The following NDST1 variants were observed in gnomAD, a reference collection of about 807,000 sequenced individuals.
NDST1 encodes the protein bifunctional heparan sulfate N-deacetylase/N-sulfotransferase 1.
NDST1 carries 35 observed loss-of-function variants against 92.8 expected under a neutral mutation model. The ratio of observed to expected loss-of-function variants is 0.38; its 90% CI spans 0.29 to 0.50. NDST1 has a LOEUF of 0.50. Ranked by LOEUF, NDST1 falls within the 20% of genes least tolerant of loss-of-function variation. NDST1 has a pLI of 0.94. For synonymous variants in NDST1, 493 were observed against 500.3 expected (o/e 0.99, Z 0.19); for missense variants, 822 against 1,182.7 (o/e 0.69, Z 4.47).
Position 150,535,762 on chromosome 5 carries a change from C to G in NDST1, c.1314C>G (p.Pro438=). Residue 438 remains proline, a synonymous_variant, in exon 6 of 15, where the codon CCC becomes CCG. Transcript: ENST00000261797. The part of the protein sequence containing the change: ...AVAPHHSGVY[P]VHVQLYEAWK... ...CGCCCCACCACTCGGGCGTGTACCC[C>G]GTGCACGTGCAGCTGTACGAGGCTT... 1 of 1,614,202 alleles carries G rather than the reference C, an allele frequency of 6.2e-7. No homozygotes were observed. The highest frequency in any genetic ancestry group is 2.2e-5 in the East Asian group (1 of 44,886).
intron 1 of NDST1, among the ~76,000 whole-genome samples, chr5:150,515,963 C>T (rs934775099): frequency 6.7e-6 from 1 of 149,592 alleles, no homozygotes; most frequent in Non-Finnish European, 1.5e-5. Context: ...GGCTTCCCCC[C>T]ACCCACCCCC....
chr5:150,533,249 C>T lies in NDST1; in HGVS notation c.1096+217C>T, dbSNP rs573302571. The stretch of plus-strand genomic sequence containing the variant: ...CAACAGCAGCGGCAGCAACAGCAGC[C>T]GCTTGTCCCTCCCTGTCCTTTCGGG... On this transcript the variant is annotated intron_variant, in intron 4 of 14. Transcript: ENST00000261797. Among the ~76,000 whole-genome samples the T allele has an allele frequency of 1.1e-4, 16 of 152,360 alleles. No homozygotes were observed. The South Asian group carries it at 2.1e-3, about 20-fold the overall frequency.
intron 3 of NDST1, among the ~76,000 whole-genome samples, chr5:150,530,682 C>T (rs1754689157): frequency 6.6e-6 from 1 of 151,680 alleles, no homozygotes; most frequent in African/African-American, 2.4e-5. Flanking sequence ...CCTCAGCCTC[C>T]TGAGTAGCTG....
chr5:150,550,042 TA>T (rs1239328305), intron 13 of NDST1, among the ~76,000 whole-genome samples: 1 of 152,196 alleles, frequency 6.6e-6, no homozygotes, highest in Non-Finnish European at 1.5e-5. Flanking sequence ...CAGAGTGTTT[TA>T]TGTAAGTAAA....
At position 150,551,783 on chromosome 5, in the gene NDST1, A is replaced by G. The variant is rs764682491; in HGVS notation, c.2457A>G (p.Gln819=). The part of the protein sequence containing the change: ...AFDPKKGFWC[Q]LLEGGKTKCL... The stretch of plus-strand genomic sequence containing the variant: ...ATCCAAAGAAAGGATTTTGGTGCCA[A>G]CTGCTTGAAGGAGGAAAAACCAAGT... The change falls in exon 14 of 15, where the codon CAA becomes CAG. Residue 819 remains glutamine (Q), a synonymous_variant. Coordinates refer to ENST00000261797, the MANE Select transcript of NDST1 (RefSeq NM_001543.5). 5 of 1,613,610 alleles carry G rather than the reference A, an allele frequency of 3.1e-6. No homozygotes were observed. The highest frequency in any genetic ancestry group is 2.2e-5 in the East Asian group (1 of 44,866).
rs1754221083 is a variant in NDST1 at position 150,521,000 on chromosome 5, C to T, written c.-255C>T. 1.7e-6 allele frequency: 1 copy of T among 596,028 alleles called. No individual in the cohort carries two copies. The highest frequency in any genetic ancestry group is 1.9e-5 in the African/African-American group (1 of 53,776). The allele number at this position is 596,028 out of a possible 1,614,324, so 36.9% of individuals were successfully genotyped here. A position where few individuals can be genotyped will look rare whatever the true frequency, so the allele number is the denominator to read the frequency against. ...GGCACTTCTGCTCTGCACAGGACCA[C>T]GCGGGGGTTTGCCATGGTGACATAA... On this transcript the variant is annotated 5_prime_UTR_variant, in exon 2 of 15. It adds an upstream start codon to the 5' untranslated region. Transcript: ENST00000261797.
chr5:150,520,108 T>C (rs1052692223), intron 1 of NDST1, among the ~76,000 whole-genome samples: 1 of 152,136 alleles, frequency 6.6e-6, no homozygotes, highest in Non-Finnish European at 1.5e-5. Context: ...CCTGGTTGCA[T>C]TATGGGCAAA....
At chr5:150,530,783 C>A (rs1197616890) in intron 3 of NDST1, among the ~76,000 whole-genome samples, 1 of 152,068 alleles carries the variant, frequency 6.6e-6, no homozygotes, top group Non-Finnish European at 1.5e-5. Flanking sequence ...CGATCTGGAA[C>A]TCCTGGAGTC....
chr5:150,507,796 A>G (rs1753529526), upstream of NDST1: 1 of 152,340 alleles, frequency 6.6e-6, no homozygotes, highest in Non-Finnish European at 1.5e-5. Context: ...GTTGGCTGCT[A>G]CCTCTCTTGA....
At chr5:150,551,167 C>G (rs1166690114) in intron 13 of NDST1, among the ~76,000 whole-genome samples, 1 of 152,160 alleles carries the variant, frequency 6.6e-6, no homozygotes, top group East Asian at 1.9e-4. Flanking sequence ...AGCTTCGGAT[C>G]TCATATCCCA....
In NDST1 at chr5:150,539,189, A is replaced by C. The variant is rs771955154; in HGVS notation, c.1438-39A>C. 10 of 1,518,140 alleles carry C rather than the reference A, an allele frequency of 6.6e-6. No homozygotes were observed. In the East Asian group the frequency reaches 1.4e-4, roughly 21 times the overall value. 94.0% of individuals were successfully genotyped at this position (1,518,140 alleles called of 1,614,324 possible). A position where few individuals can be genotyped will look rare whatever the true frequency, so the allele number is the denominator to read the frequency against. The stretch of plus-strand genomic sequence containing the variant: ...AGAGTCCTCCCACCACCCTCATGCC[A>C]GAAGGCACCATAGCTCCTCTCCCCC... On this transcript the variant is annotated intron_variant, in intron 6 of 14. Coordinates refer to ENST00000261797, the MANE Select transcript of NDST1 (RefSeq NM_001543.5).
In NDST1 at chr5:150,521,515, C is replaced by T; in HGVS notation, c.261C>T (p.Val87=). The T allele has an allele frequency of 6.2e-7, 1 of 1,614,032 alleles. No individual in the cohort carries two copies. Among genetic ancestry groups the T allele is most frequent in the Non-Finnish European group, 8.5e-7 (1 of 1,180,028 alleles). ...CCCGCACAGACCCGTTGGTGCTGGT[C>T]TTTGTGGAGAGCCTCTACTCGCAAC... ...TPSRTDPLVL[V]FVESLYSQLG... The change falls in exon 2 of 15, where the codon GTC becomes GTT. Residue 87 remains valine, a synonymous_variant. Transcript: ENST00000261797. The surrounding 1 kb of genome is among the most constrained non-coding windows in gnomAD (Gnocchi z 5.9).
chr5:150,523,230 G>A (rs958606013), intron 2 of NDST1, among the ~76,000 whole-genome samples: 3 of 152,222 alleles, frequency 2.0e-5, no homozygotes, highest in Non-Finnish European at 2.9e-5. Context: ...TCAGGGGAAC[G>A]CTGGCCTGGT....
intron 1 of NDST1, among the ~76,000 whole-genome samples, chr5:150,498,688 T>TC (rs550013344): frequency 6.6e-6 from 1 of 152,018 alleles, no homozygotes; most frequent in Non-Finnish European, 1.5e-5. Flanking sequence ...TTCTCTCCCT[T>TC]CCCCCCACGG....
At chr5:150,510,471 T>C (rs542691961) in intron 1 of NDST1, among the ~76,000 whole-genome samples, 1 of 152,304 alleles carries the variant, frequency 6.6e-6, no homozygotes, top group East Asian at 1.9e-4. Context: ...CTGACAGCCT[T>C]GGTGTGCGTG....
At chr5:150,547,303 G>C (rs1405917594) in intron 11 of NDST1, among the ~76,000 whole-genome samples, 2 of 152,200 alleles carry the variant, frequency 1.3e-5, no homozygotes, top group African/African-American at 4.8e-5. Flanking sequence ...GAGGAAGGGT[G>C]GGGGCCTGTC....
chr5:150,545,955 A>C (rs1755458886), intron 11 of NDST1, among the ~76,000 whole-genome samples: 1 of 150,968 alleles, frequency 6.6e-6, no homozygotes, highest in Non-Finnish European at 1.5e-5. Context: ...GTGTGGATCC[A>C]AGCCCCTATC....
chr5:150,503,118 G>T (rs1292654361), intron 1 of NDST1, among the ~76,000 whole-genome samples: 1 of 152,128 alleles, frequency 6.6e-6, no homozygotes, highest in Non-Finnish European at 1.5e-5. Context: ...GCCTCACAGG[G>T]TTACTGTGAG....
chr5:150,507,142 C>T (rs114608855), upstream of NDST1, among the ~76,000 whole-genome samples: 1,441 of 152,318 alleles, frequency 9.5e-3, 16 homozygotes, highest in Non-Finnish European at 0.014. Flanking sequence ...AGCTGCTAAT[C>T]CCTGGAAGGG....
Sources: gnomAD v4.1 joint callset for allele counts (sites outside exome capture counted in the v4.1 genomes callset) on GRCh38, gnomAD v4.1.1 for gene constraint, Gnocchi (gnomAD v3.1) non-coding constraint, MANE v1.5 for transcripts, NCBI Gene and HGNC (gene_info 2026-07-23, HGNC 2026-07-21) for gene names.